ASB3: variants seen among roughly 807,000 people sequenced by gnomAD.
ASB3 encodes the protein ankyrin repeat and SOCS box protein 3.
In ASB3, 41 loss-of-function variants were observed where a neutral mutation model predicts 54.5. The observed-to-expected ratio is 0.75, with a 90% CI of 0.59 to 0.98. The LOEUF (loss-of-function observed/expected upper bound fraction) is 0.98, where lower values mean the gene tolerates loss of function less well. ASB3 is among the 50% of genes least tolerant of loss of function. The pLI, the probability that ASB3 is intolerant of heterozygous loss-of-function variation, is 0.00. For synonymous variants in ASB3, 266 were observed against 221.2 expected (o/e 1.20, Z -1.80); for missense variants, 733 against 620.0 (o/e 1.18, Z -1.94).
chr2:53,681,399 G>C (rs947197047), intron 9 of ASB3, among the ~76,000 whole-genome samples: 28 of 152,062 alleles, frequency 1.8e-4, no homozygotes, highest in East Asian at 1.9e-4. Flanking sequence ...GTCCATTTTT[G>C]TTTTGGTTGC....
In ASB3 at chr2:53,750,819, C is replaced by T; in HGVS notation, c.319G>A (p.Ala107Thr). 6.3e-7 allele frequency: 1 copy of T among 1,595,580 alleles called. No homozygotes were observed. The highest frequency in any genetic ancestry group is 1.2e-5 in the South Asian group (1 of 85,972). ...GGTGTCGTTTCTTCTAAAGTAGTTGCATTAGGATCTGCCCCAGCTTCTAAA... is the reference window on the plus strand; with the variant it reads ...GGTGTCGTTTCTTCTAAAGTAGTTGTATTAGGATCTGCCCCAGCTTCTAAA... ...ILLEAGADPN[A>T]TTLEETTPLF... The change falls in exon 3 of 10, where the codon GCA (alanine) becomes ACA (threonine). Residue 107 changes from alanine (A) to threonine (T), a missense_variant. Physicochemically the swap from Ala to Thr is moderately conservative, Grantham distance 58. Coordinates refer to ENST00000263634, the MANE Select transcript of ASB3 (RefSeq NM_016115.5).
intron 1 of ASB3, 33 bp from the exon 2 acceptor site, chr2:53,765,618 T>C (rs373611574): frequency 2.2e-5 from 35 of 1,612,064 alleles, no homozygotes; most frequent in Non-Finnish European, 2.9e-5. Flanking sequence ...AATACTATAG[T>C]CAATAAAACA....
chr2:53,722,920 T>C (rs1288892119), intron 5 of ASB3, among the ~76,000 whole-genome samples: 1 of 152,162 alleles, frequency 6.6e-6, no homozygotes, highest in Non-Finnish European at 1.5e-5. Context: ...TCTGACAATA[T>C]GATTCTATAC....
chr2:53,768,256 G>A (rs1179317290), intron 1 of ASB3: 3 of 480,738 alleles, frequency 6.2e-6, no homozygotes, highest in Non-Finnish European at 1.1e-5. Context: ...TAGAGACGGC[G>A]AGAAGCGCGG....
intron 2 of ASB3, among the ~76,000 whole-genome samples, chr2:53,760,044 T>C (rs1320464807): frequency 3.9e-5 from 6 of 152,192 alleles, no homozygotes; most frequent in African/African-American, 1.2e-4. Flanking sequence ...AGGCAGTCAC[T>C]ATATACTTCT....
intron 3 of ASB3, among the ~76,000 whole-genome samples, chr2:53,736,845 G>C (rs554451478): frequency 1.3e-5 from 2 of 151,714 alleles, no homozygotes; most frequent in Non-Finnish European, 2.9e-5. Context: ...TACAAAATTA[G>C]CCAGGTGTGG....
chr2:53,689,324 C>A (rs1459151084), intron 9 of ASB3, among the ~76,000 whole-genome samples: 1 of 152,120 alleles, frequency 6.6e-6, no homozygotes, highest in African/African-American at 2.4e-5. Context: ...TTTTCTTTGG[C>A]ATAAAATAAG....
chr2:53,741,134 T>G (rs954258827), intron 3 of ASB3, among the ~76,000 whole-genome samples: 1 of 152,192 alleles, frequency 6.6e-6, no homozygotes, highest in Admixed American at 6.5e-5. Flanking sequence ...AGAAAAAGTG[T>G]ATGGACAGAC....
In ASB3 at chr2:53,686,068, G is replaced by A. The variant is rs565848401; in HGVS notation, c.1369+7816C>T. Among the ~76,000 whole-genome samples the A allele has an allele frequency of 5.9e-5, 9 of 152,264 alleles. No homozygotes were observed. In the East Asian group the frequency reaches 7.7e-4, roughly 13 times the overall value. On this transcript the variant is annotated intron_variant, in intron 9 of 9. Coordinates refer to ENST00000263634, the MANE Select transcript of ASB3 (RefSeq NM_016115.5). ...CCTTTACAATAGCCTTTTTAAAGCC[G>A]CGTTATTATCACATGATTCTGCTCC...
At chr2:53,672,595 T>C (rs950475555) in intron 9 of ASB3, among the ~76,000 whole-genome samples, 1 of 152,172 alleles carries the variant, frequency 6.6e-6, no homozygotes, top group African/African-American at 2.4e-5. Flanking sequence ...TTAAAGCAGG[T>C]GACCACAACA....
At chr2:53,710,929 C>T (rs1272772014) in intron 7 of ASB3, among the ~76,000 whole-genome samples, 1 of 151,636 alleles carries the variant, frequency 6.6e-6, no homozygotes, top group Non-Finnish European at 1.5e-5. Context: ...AGTTCAAGAC[C>T]AGCCTAGGCA....
At chr2:53,768,041 C>A in intron 1 of ASB3, 3 of 1,611,368 alleles carry the variant, frequency 1.9e-6, no homozygotes, top group Non-Finnish European at 2.5e-6. Context: ...CGGTCAGCTC[C>A]CCACACTTAC....
At chr2:53,745,532 TC>T (rs1439552471) in intron 3 of ASB3, among the ~76,000 whole-genome samples, 1 of 152,040 alleles carries the variant, frequency 6.6e-6, no homozygotes, top group Non-Finnish European at 1.5e-5. Context: ...CTTTCCAGAG[TC>T]CCTCCATTTA....
At position 53,763,781 on chromosome 2, in the gene ASB3, G is replaced by T. The variant is rs371862510; in HGVS notation, c.196+1596C>A. On this transcript the variant is annotated intron_variant, in intron 2 of 9. Coordinates refer to ENST00000263634, the MANE Select transcript of ASB3 (RefSeq NM_016115.5). ...CCTAGAAAAGGATATTCAAACTCAT[G>T]TCTTTGTTACTAAAAATAGTTTGGG... is the stretch of plus-strand genomic sequence containing the variant. 1.7e-3 allele frequency among the ~76,000 whole-genome samples: 260 copies of T among 152,312 alleles called. 1 individual carries two copies. The highest frequency in any genetic ancestry group is 3.3e-3 in the South Asian group (16 of 4,830).
intron 1 of ASB3, chr2:53,774,277 C>G: frequency 6.2e-7 from 1 of 1,614,158 alleles, no homozygotes; most frequent in Non-Finnish European, 8.5e-7. Flanking sequence ...CACAACAAAA[C>G]CATTCAGTGT....
At chr2:53,772,419 C>A (rs1203381995) in intron 1 of ASB3, among the ~76,000 whole-genome samples, 1 of 152,064 alleles carries the variant, frequency 6.6e-6, no homozygotes, top group Non-Finnish European at 1.5e-5. Context: ...CGTGATCCGC[C>A]CGCCTTGGCC....
At chr2:53,740,666 T>C (rs1370673742) in intron 3 of ASB3, among the ~76,000 whole-genome samples, 1 of 152,206 alleles carries the variant, frequency 6.6e-6, no homozygotes, top group African/African-American at 2.4e-5. Context: ...CATGATCTTC[T>C]GGGCAAAACT....
chr2:53,670,295 T>A lies in ASB3; in HGVS notation c.*208A>T. The A allele has an allele frequency of 7.1e-6, 1 of 140,556 alleles. No individual in the cohort carries two copies. The highest frequency in any genetic ancestry group is 1.5e-5 in the Non-Finnish European group (1 of 67,198). 8.7% of individuals were successfully genotyped at this position (140,556 alleles called of 1,614,324 possible). On this transcript the variant is annotated 3_prime_UTR_variant, in exon 10 of 10. Coordinates refer to ENST00000263634, the MANE Select transcript of ASB3 (RefSeq NM_016115.5). ...AGTAATATAAGTGATGTTTACAATT[T>A]TTTTTTTTTTTTTTTTTTTTTTTAC...
At chr2:53,678,834 C>T (rs1357634550) in intron 9 of ASB3, among the ~76,000 whole-genome samples, 1 of 152,196 alleles carries the variant, frequency 6.6e-6, no homozygotes, top group African/African-American at 2.4e-5. Flanking sequence ...ACAATCTTCT[C>T]ATTTTCCATG....
Sources: gnomAD v4.1 joint callset for allele counts (sites outside exome capture counted in the v4.1 genomes callset) on GRCh38, gnomAD v4.1.1 for gene constraint, MANE v1.5 for transcripts, NCBI Gene and HGNC (gene_info 2026-07-23, HGNC 2026-07-21) for gene names.